The following ABCB1 variants were observed in gnomAD, a reference collection of about 807,000 sequenced individuals.
ABCB1 encodes ATP binding cassette subfamily B member 1.
Under a neutral mutation model 142.0 loss-of-function variants are expected in ABCB1, and 69 were observed. The ratio of observed to expected loss-of-function variants is 0.49; its 90% CI spans 0.40 to 0.59. The LOEUF is 0.59. Ranked by LOEUF, ABCB1 falls within the 20% of genes least tolerant of loss-of-function variation. The pLI is 0.00. For synonymous variants in ABCB1, 532 were observed against 539.2 expected (o/e 0.99, Z 0.18); for missense variants, 1,326 against 1,554.7 (o/e 0.85, Z 2.47).
intron 3 of ABCB1, among the ~76,000 whole-genome samples, chr7:87,589,139 A>C (rs1818882475): frequency 6.6e-6 from 1 of 152,198 alleles, no homozygotes; most frequent in Non-Finnish European, 1.5e-5. Flanking sequence ...GTAGGACAAA[A>C]GCCTCAGTCA....
intron 19 of ABCB1, among the ~76,000 whole-genome samples, chr7:87,538,934 G>A (rs1816407777): frequency 1.3e-5 from 2 of 152,146 alleles, no homozygotes. Context: ...GGGTTTGCCA[G>A]GAGAAAGAAG....
chr7:87,673,599 C>T (rs1180589722), intron 1 of ABCB1, among the ~76,000 whole-genome samples: 2 of 152,274 alleles, frequency 1.3e-5, no homozygotes, highest in African/African-American at 4.8e-5. Context: ...TTCGATATTT[C>T]GGCTTCTGTA....
At chr7:87,623,699 T>C (rs2130106066) in intron 1 of ABCB1, among the ~76,000 whole-genome samples, 1 of 152,278 alleles carries the variant, frequency 6.6e-6, no homozygotes. Flanking sequence ...ACATGGACTT[T>C]TTTTTTTTAA....
intron 3 of ABCB1, among the ~76,000 whole-genome samples, chr7:87,587,699 G>T (rs771970663): frequency 6.6e-6 from 1 of 151,816 alleles, no homozygotes; most frequent in Non-Finnish European, 1.5e-5. Context: ...GTGAAACCCC[G>T]TCTCTATTAA....
intron 1 of ABCB1, among the ~76,000 whole-genome samples, chr7:87,652,646 A>AT (rs1563105075): frequency 4.1e-5 from 6 of 147,212 alleles, no homozygotes; most frequent in South Asian, 4.3e-4. Flanking sequence ...ATATATATAT[A>AT]GTAGGAAGTA....
intron 1 of ABCB1, among the ~76,000 whole-genome samples, chr7:87,607,122 G>A (rs1169937240): frequency 6.6e-6 from 1 of 152,156 alleles, no homozygotes; most frequent in African/African-American, 2.4e-5. Context: ...TACATGGGAG[G>A]CTGAAATAAC....
At chr7:87,513,710 G>T (rs1457093859) in intron 25 of ABCB1, among the ~76,000 whole-genome samples, 1 of 152,120 alleles carries the variant, frequency 6.6e-6, no homozygotes, top group East Asian at 1.9e-4. Flanking sequence ...TCACCCATAT[G>T]CAAATCCTTA....
intron 25 of ABCB1, among the ~76,000 whole-genome samples, chr7:87,511,190 G>T (rs1217144651): frequency 6.6e-6 from 1 of 152,134 alleles, no homozygotes; most frequent in Non-Finnish European, 1.5e-5. Context: ...CTTTCTTTAA[G>T]TAAAACAAGT....
At chr7:87,546,067 C>T in intron 14 of ABCB1, 43 bp from the exon 15 acceptor site, 1 of 1,592,760 alleles carries the variant, frequency 6.3e-7, no homozygotes, top group Non-Finnish European at 8.6e-7. Flanking sequence ...TTAACAATTA[C>T]CTGAAGAAAC....
At chr7:87,626,253 A>C (rs1252616797) in intron 1 of ABCB1, among the ~76,000 whole-genome samples, 1 of 85,156 alleles carries the variant, frequency 1.2e-5, no homozygotes, top group African/African-American at 5.1e-5. Flanking sequence ...TATATGTCAT[A>C]TATATGTGTC....
At chr7:87,616,486 C>T (rs1359458594) in intron 1 of ABCB1, among the ~76,000 whole-genome samples, 1 of 152,134 alleles carries the variant, frequency 6.6e-6, no homozygotes. Context: ...GGAGCTCTTG[C>T]CAAGCCATCA....
intron 1 of ABCB1, among the ~76,000 whole-genome samples, chr7:87,695,336 C>T (rs1828406779): frequency 6.6e-6 from 1 of 152,012 alleles, no homozygotes. Context: ...TGGAAATTTT[C>T]TCTGTTTGAT....
chr7:87,589,646 G>A (rs1818903093), intron 3 of ABCB1, among the ~76,000 whole-genome samples: 1 of 151,978 alleles, frequency 6.6e-6, no homozygotes, highest in Admixed American at 6.6e-5. Flanking sequence ...TTGTTTGGGT[G>A]TGATGGCATG....
chr7:87,545,525 G>A (rs559054238), intron 15 of ABCB1, among the ~76,000 whole-genome samples: 7 of 152,092 alleles, frequency 4.6e-5, no homozygotes, highest in South Asian at 2.1e-4. Context: ...TGCATTTTTT[G>A]TACTAAGTCT....
Position 87,545,932 on chromosome 7 carries a change from A to G in ABCB1, c.1818T>C (p.Ile606=), listed in dbSNP as rs1176835570. 6.2e-7 allele frequency: 1 copy of G among 1,614,164 alleles called. No homozygotes were observed. Among genetic ancestry groups the G allele is most frequent in the East Asian group, 2.2e-5 (1 of 44,882 alleles). The change falls in exon 15 of 28, where the codon ATT becomes ATC. Residue 606 remains isoleucine (I), a synonymous_variant. Coordinates refer to ENST00000622132, the MANE Select transcript of ABCB1 (RefSeq NM_001348946.2). ...DVIAGFDDGV[I]VEKGNHDELM... is the part of the protein sequence containing the mutation. ...GTTCATCATGATTTCCTTTCTCCAC[A>G]ATGACTCCATCATCGAAACCAGCGA...
chr7:87,677,849 G>A (rs1057508552), intron 1 of ABCB1, among the ~76,000 whole-genome samples: 4 of 152,154 alleles, frequency 2.6e-5, no homozygotes, highest in African/African-American at 7.2e-5. Flanking sequence ...TGAATGCAGG[G>A]TTTTCAACAG....
upstream of ABCB1, among the ~76,000 whole-genome samples, chr7:87,601,500 C>T (rs1451071579): frequency 1.3e-5 from 2 of 152,184 alleles, no homozygotes; most frequent in African/African-American, 4.8e-5. Flanking sequence ...CAGATCAATG[C>T]CCGTGTTTTT....
intron 24 of ABCB1, among the ~76,000 whole-genome samples, chr7:87,515,976 T>G (rs918496459): frequency 1.3e-5 from 2 of 152,218 alleles, no homozygotes; most frequent in Non-Finnish European, 2.9e-5. Context: ...AATATGAATA[T>G]GCAATACAGC....
chr7:87,687,144 T>G (rs1317035846), intron 1 of ABCB1, among the ~76,000 whole-genome samples: 2 of 152,136 alleles, frequency 1.3e-5, no homozygotes, highest in African/African-American at 4.8e-5. Context: ...GATTTTATAT[T>G]GATTCTTAAT....
Sources: gnomAD v4.1 joint callset for allele counts (sites outside exome capture counted in the v4.1 genomes callset) on GRCh38, gnomAD v4.1.1 for gene constraint, MANE v1.5 for transcripts, NCBI Gene and HGNC (gene_info 2026-07-23, HGNC 2026-07-21) for gene names.